Variants in TAMM41 observed in about 807,000 individuals in gnomAD.
TAMM41 encodes the protein phosphatidate cytidylyltransferase, mitochondrial.
TAMM41 carries 36 observed loss-of-function variants against 44.1 expected under a neutral mutation model. The observed-to-expected ratio is 0.82, with a 90% CI of 0.63 to 1.08. The LOEUF (loss-of-function observed/expected upper bound fraction) is 1.08. Among genes scored for constraint, TAMM41 ranks in the 50% least tolerant of loss-of-function variants. The pLI is 0.00. For missense variants in TAMM41, 417 were observed against 404.3 expected, an observed-to-expected ratio of 1.03 and a Z score of -0.27; for synonymous variants, 164 against 153.1, an observed-to-expected ratio of 1.07 and a Z score of -0.53.
chr3:11,807,389 G>A (rs1182094422), intron 7 of TAMM41: 6 of 1,518,460 alleles, frequency 4.0e-6, no homozygotes, highest in South Asian at 2.5e-5. Flanking sequence ...AAGTTGAAAC[G>A]TAGAGAAGGA....
intron 7 of TAMM41, chr3:11,807,183 GAGA>G: frequency 7.2e-7 from 1 of 1,385,036 alleles, no homozygotes; most frequent in South Asian, 1.8e-5. Flanking sequence ...CTCTCCATGA[GAGA>G]AGAACATTAT....
chr3:11,830,514 C>T (rs887259209), intron 3 of TAMM41, among the ~76,000 whole-genome samples: 9 of 152,234 alleles, frequency 5.9e-5, no homozygotes, highest in Admixed American at 2.0e-4. Flanking sequence ...CTGCTTCGCT[C>T]AGAAAGAATT....
chr3:11,842,578 C>T (rs2079500411), intron 2 of TAMM41, among the ~76,000 whole-genome samples: 1 of 151,906 alleles, frequency 6.6e-6, no homozygotes, highest in African/African-American at 2.4e-5. Flanking sequence ...CCTGTAGCCC[C>T]AGCTACTTGG....
chr3:11,765,992 C>T, the TAMM41 span, among the ~76,000 whole-genome samples: 2 of 152,066 alleles, frequency 1.3e-5, no homozygotes, highest in Admixed American at 6.6e-5. Context: ...TGAGCAACCA[C>T]ACCCAGCCTG....
At chr3:11,728,747 G>A in the TAMM41 span, among the ~76,000 whole-genome samples, 1 of 152,162 alleles carries the variant, frequency 6.6e-6, no homozygotes, top group African/African-American at 2.4e-5. Flanking sequence ...GGTAACTCAC[G>A]CCTGAAATCC....
Position 11,833,257 on chromosome 3 carries a change from G to A in TAMM41, c.412-3393C>T, listed in dbSNP as rs1253845566. 1.9e-5 allele frequency: 17 copies of A among 905,550 alleles called. No individual in the cohort carries two copies. The South Asian group carries it at 3.7e-4, about 19-fold the overall frequency. 56.1% of individuals were successfully genotyped at this position (905,550 alleles called of 1,614,324 possible). ...TAACATTAGCACGACTGCCAGGGAGGAAAATCTTTACTGTAGAGAAAGGGG... is the reference window on the plus strand; with the variant it reads ...TAACATTAGCACGACTGCCAGGGAGAAAAATCTTTACTGTAGAGAAAGGGG... On this transcript the variant is annotated intron_variant, in intron 3 of 7. Transcript: ENST00000455809.
intron 7 of TAMM41, among the ~76,000 whole-genome samples, chr3:11,802,386 C>T (rs1427223734): frequency 1.3e-5 from 2 of 152,104 alleles, no homozygotes; most frequent in Non-Finnish European, 2.9e-5. Context: ...ACTGATACCA[C>T]AGACATACAG....
chr3:11,737,521 T>C, the TAMM41 span, among the ~76,000 whole-genome samples: 4 of 152,108 alleles, frequency 2.6e-5, no homozygotes, highest in Non-Finnish European at 5.9e-5. Context: ...GGTTTCTCCA[T>C]GTTGGTCAGG....
the TAMM41 span, among the ~76,000 whole-genome samples, chr3:11,727,807 G>A: frequency 7.3e-6 from 1 of 136,442 alleles, no homozygotes; most frequent in Non-Finnish European, 1.5e-5. Context: ...TTTTTTTTGA[G>A]ACAGAGTCTA....
the TAMM41 span, among the ~76,000 whole-genome samples, chr3:11,782,546 C>CA: frequency 0.019 from 1,349 of 69,750 alleles, 9 homozygotes; most frequent in Middle Eastern, 0.053. Context: ...GACCCTGTCT[C>CA]AAAAAAAAAA....
chr3:11,807,392 G>A, intron 7 of TAMM41: 1 of 1,521,408 alleles, frequency 6.6e-7, no homozygotes, highest in Non-Finnish European at 8.8e-7. Context: ...TTGAAACGTA[G>A]AGAAGGAGCA....
intron 2 of TAMM41, among the ~76,000 whole-genome samples, chr3:11,841,768 C>G (rs1037984659): frequency 3.9e-5 from 6 of 152,164 alleles, no homozygotes; most frequent in Admixed American, 2.6e-4. Context: ...GAAAGCCCTT[C>G]TAGCTGCAGG....
chr3:11,744,381 C>A, the TAMM41 span, among the ~76,000 whole-genome samples: 2 of 151,516 alleles, frequency 1.3e-5, no homozygotes, highest in Non-Finnish European at 1.5e-5. Flanking sequence ...AATAACACTT[C>A]TAAGAGAAGC....
the TAMM41 span, among the ~76,000 whole-genome samples, chr3:11,783,490 A>C: frequency 2.0e-5 from 3 of 152,240 alleles, no homozygotes; most frequent in Non-Finnish European, 4.4e-5. Context: ...CCTGGAGACA[A>C]GCTCTCTTTT....
At chr3:11,746,023 G>A in the TAMM41 span, among the ~76,000 whole-genome samples, 14 of 152,092 alleles carry the variant, frequency 9.2e-5, no homozygotes, top group African/African-American at 2.7e-4. Context: ...AATTTAGGCC[G>A]GGCGCGGTCG....
chr3:11,804,996 CTTT>C lies in TAMM41; in HGVS notation c.937+2834_937+2836del, dbSNP rs1156555980. Among the ~76,000 whole-genome samples, 868 of 103,048 alleles carry C rather than the reference CTTT, an allele frequency of 8.4e-3. 5 individuals are homozygous for C. The highest frequency in any genetic ancestry group is 0.034 in the African/African-American group (825 of 24,420). The allele number at this position is 103,048 out of a possible 152,430, so 67.6% of individuals were successfully genotyped here. A position where few individuals can be genotyped will look rare whatever the true frequency, so the allele number is the denominator to read the frequency against. ...CGGGCGCGCACCACCACGCCCAGCC[CTTT>C]TTTTTTTTTTTTTTTTTTTTTTTTT... On this transcript the variant is annotated intron_variant, in intron 7 of 7. Transcript: ENST00000455809.
At chr3:11,800,992 T>C (rs1240546413) in intron 7 of TAMM41, among the ~76,000 whole-genome samples, 2 of 151,434 alleles carry the variant, frequency 1.3e-5, no homozygotes, top group African/African-American at 2.4e-5. Context: ...CTCAGGAGGC[T>C]GAGGTGAGAG....
chr3:11,836,524 C>T (rs192812095), intron 3 of TAMM41, among the ~76,000 whole-genome samples: 58 of 152,250 alleles, frequency 3.8e-4, no homozygotes, highest in African/African-American at 1.2e-3. Flanking sequence ...AGTGCAGTAG[C>T]GCAATCTCGG....
At chr3:11,830,598 G>A (rs1690621952) in intron 3 of TAMM41, 1 of 152,158 alleles carries the variant, frequency 6.6e-6, no homozygotes, top group Non-Finnish European at 1.5e-5. Flanking sequence ...AGAGTGACTG[G>A]GTGTGGTGGC....
Sources: allele counts gnomAD v4.1 joint callset (sites outside exome capture counted in the v4.1 genomes callset), GRCh38; gene constraint gnomAD v4.1.1; transcripts MANE v1.5; gene names NCBI Gene and HGNC (gene_info 2026-07-23, HGNC 2026-07-21).